DYNC2I2: variants seen among roughly 807,000 people sequenced by gnomAD.
DYNC2I2 encodes the protein dynein 2 intermediate chain 2, also known as cytoplasmic dynein 2 intermediate chain 2.
A neutral mutation model predicts 52.0 loss-of-function variants in DYNC2I2; 39 were observed. That is an observed-to-expected ratio of 0.75 (90% CI 0.58 to 0.98). The LOEUF (loss-of-function observed/expected upper bound fraction) is 0.98, where lower values mean the gene tolerates loss of function less well. DYNC2I2 is among the 50% of genes least tolerant of loss of function. The pLI is 0.00. For synonymous variants in DYNC2I2, 359 were observed against 321.1 expected, an observed-to-expected ratio of 1.12 and a Z score of -1.26; for missense variants, 743 against 728.4, an observed-to-expected ratio of 1.02 and a Z score of -0.23.
intron 1 of DYNC2I2, among the ~76,000 whole-genome samples, chr9:128,643,910 A>T (rs1860564604): frequency 6.6e-6 from 1 of 152,054 alleles, no homozygotes; most frequent in Non-Finnish European, 1.5e-5. Flanking sequence ...AGCTCTGGAG[A>T]GTTTCTGACC....
At chr9:128,636,100 T>TC (rs1564339518) in intron 4 of DYNC2I2, 181 bp downstream of exon 4, 1 of 980,338 alleles carries the variant, frequency 1.0e-6, no homozygotes, top group South Asian at 1.4e-5. Context: ...TCCAGACTCC[T>TC]CCCCCGAGTT....
At chr9:128,658,320 C>T (rs1860875627), upstream of DYNC2I2, among the ~76,000 whole-genome samples, 1 of 151,852 alleles carries the variant, frequency 6.6e-6, no homozygotes, top group Non-Finnish European at 1.5e-5. Context: ...CACATGCCAC[C>T]ACACTGGGCT....
intron 6 of DYNC2I2, 52 bp downstream of exon 6, chr9:128,635,039 CA>C (rs1860358771): frequency 2.1e-5 from 34 of 1,585,888 alleles, no homozygotes; most frequent in Non-Finnish European, 2.8e-5. Flanking sequence ...CACACCTTCC[CA>C]CCCCCAAGGC....
At position 128,633,708 on chromosome 9, in the gene DYNC2I2, G is replaced by A. The variant is rs55717386; in HGVS notation, c.*36C>T. The A allele has an allele frequency of 1.7e-4, 266 of 1,583,308 alleles. No homozygotes were observed. Among genetic ancestry groups the A allele is most frequent in the Admixed American group, 2.2e-4 (13 of 58,172 alleles). On this transcript the variant is annotated 3_prime_UTR_variant, in exon 9 of 9. Coordinates refer to ENST00000372715, the MANE Select transcript of DYNC2I2 (RefSeq NM_052844.4). ...GCTTGCGTCAGAAACACAAGGCTCG[G>A]CACAGCGAAGGCTTGCACCCGCCTC...
chr9:128,677,667 C>T, the DYNC2I2 span, among the ~76,000 whole-genome samples: 19 of 151,922 alleles, frequency 1.3e-4, no homozygotes, highest in East Asian at 3.7e-3. Context: ...ATTAGCTCGG[C>T]GTGCTGGCAG....
chr9:128,663,654 T>C, the DYNC2I2 span: 5 of 141,926 alleles, frequency 3.5e-5, no homozygotes, highest in African/African-American at 5.2e-5. Flanking sequence ...TTTTTCTTTT[T>C]TTTTTTTTTT....
the DYNC2I2 span, among the ~76,000 whole-genome samples, chr9:128,663,952 C>CTTT: frequency 1.9e-3 from 190 of 101,968 alleles, 2 homozygotes; most frequent in African/African-American, 4.9e-3. Context: ...TGCACCCAGG[C>CTTT]TTTTTTTTTT....
At position 128,635,155 on chromosome 9, in the gene DYNC2I2, C is replaced by T. The variant is rs763726768; in HGVS notation, c.918G>A (p.Leu306=). 2.1e-5 allele frequency: 34 copies of T among 1,613,362 alleles called. No homozygotes were observed. The highest frequency in any genetic ancestry group is 1.3e-5 in the African/African-American group (1 of 74,944). Residue 306 remains leucine, a synonymous_variant, in exon 6 of 9, where the codon CTG becomes CTA. Transcript: ENST00000372715. The part of the protein sequence containing the change: ...LLWQGIGVGQ[L]QLTEGFALVM... The stretch of plus-strand genomic sequence containing the variant: ...CCAGGGCGAAGCCCTCTGTGAGCTG[C>T]AGCTGGCCTACCCCGATGCCCTGCC...
At chr9:128,658,470 G>GT (rs1415429259), upstream of DYNC2I2, among the ~76,000 whole-genome samples, 295 of 147,492 alleles carry the variant, frequency 2.0e-3, 2 homozygotes, top group African/African-American at 5.9e-3. Flanking sequence ...CAGCCTGTTT[G>GT]TTTTTTTTTG....
intron 1 of DYNC2I2, among the ~76,000 whole-genome samples, chr9:128,654,438 GCCTTT>G (rs764899472): frequency 6.6e-6 from 1 of 152,022 alleles, no homozygotes; most frequent in East Asian, 1.9e-4. Flanking sequence ...CACCTGACCT[GCCTTT>G]CCTTTCCTTA....
intron 8 of DYNC2I2, 81 bp downstream of exon 8, chr9:128,634,145 C>G (rs1478139383): frequency 3.1e-6 from 5 of 1,590,550 alleles, no homozygotes; most frequent in African/African-American, 1.4e-5. Flanking sequence ...TGGTCTTTTC[C>G]CCAACCCAGA....
the DYNC2I2 span, among the ~76,000 whole-genome samples, chr9:128,661,859 T>A: frequency 6.6e-6 from 1 of 151,794 alleles, no homozygotes; most frequent in Non-Finnish European, 1.5e-5. Context: ...CTAGCCAACA[T>A]GGTGAAACCC....
At chr9:128,672,875 C>T in the DYNC2I2 span, among the ~76,000 whole-genome samples, 1 of 151,862 alleles carries the variant, frequency 6.6e-6, no homozygotes, top group Non-Finnish European at 1.5e-5. Context: ...ATACAAAAAA[C>T]TGGTGGGGCG....
At chr9:128,655,379 C>CGGT (rs1860798891) in intron 1 of DYNC2I2, among the ~76,000 whole-genome samples, 1 of 129,530 alleles carries the variant, frequency 7.7e-6, no homozygotes, top group Non-Finnish European at 1.6e-5. Flanking sequence ...GGCGTGGTGG[C>CGGT]GGGCGCCTGT....
chr9:128,640,196 G>T (rs1159702695), intron 2 of DYNC2I2, among the ~76,000 whole-genome samples: 2 of 151,504 alleles, frequency 1.3e-5, no homozygotes, highest in Admixed American at 1.3e-4. Context: ...ATTTTTAGTA[G>T]AGACGGGGTT....
intron 1 of DYNC2I2, among the ~76,000 whole-genome samples, chr9:128,656,055 A>G (rs1161543590): frequency 3.3e-5 from 5 of 151,842 alleles, no homozygotes; most frequent in Non-Finnish European, 7.4e-5. Flanking sequence ...AAGATAATAA[A>G]TAAATAAACA....
rs570039159 is a variant in DYNC2I2 at position 128,653,657 on chromosome 9, A to C, written c.186+2884T>G. Reference sequence around the variant, plus strand: ...CTTGAAGCCGGGAGGCGGAAGTTGCAGTGAGCTGAGATCACGCCATTGCAC... The same window carrying C: ...CTTGAAGCCGGGAGGCGGAAGTTGCCGTGAGCTGAGATCACGCCATTGCAC... On this transcript the variant is annotated intron_variant, in intron 1 of 8. Coordinates refer to ENST00000372715, the MANE Select transcript of DYNC2I2 (RefSeq NM_052844.4). 1.6e-4 allele frequency among the ~76,000 whole-genome samples: 24 copies of C among 151,142 alleles called. No homozygotes were observed. In the East Asian group the frequency reaches 4.4e-3, roughly 28 times the overall value.
At chr9:128,670,958 T>G in the DYNC2I2 span, among the ~76,000 whole-genome samples, 2 of 151,160 alleles carry the variant, frequency 1.3e-5, no homozygotes, top group Non-Finnish European at 2.9e-5. Flanking sequence ...TCCCAGCTAC[T>G]TGGGAGGCTG....
At chr9:128,672,963 G>T in the DYNC2I2 span, among the ~76,000 whole-genome samples, 4 of 152,170 alleles carry the variant, frequency 2.6e-5, no homozygotes, top group African/African-American at 9.7e-5. Flanking sequence ...GGCGGAGCTT[G>T]CAGTGAGCCG....
Sources: gnomAD v4.1 joint callset for allele counts (sites outside exome capture counted in the v4.1 genomes callset) on GRCh38, gnomAD v4.1.1 for gene constraint, MANE v1.5 for transcripts, NCBI Gene and HGNC (gene_info 2026-07-23, HGNC 2026-07-21) for gene names.